TNNI3K: variants seen among roughly 807,000 people sequenced by gnomAD.
TNNI3K encodes serine/threonine-protein kinase TNNI3K.
In TNNI3K, 140 loss-of-function variants were observed where a neutral mutation model predicts 114.5. That is an observed-to-expected ratio of 1.22 (90% CI 1.07 to 1.41). The LOEUF (loss-of-function observed/expected upper bound fraction) is 1.41, where lower values mean the gene tolerates loss of function less well. TNNI3K is among the 40% of genes most tolerant of loss of function. The pLI is 0.00. For synonymous variants in TNNI3K, 347 were observed against 347.5 expected (o/e 1.00, Z 0.02); for missense variants, 1,125 against 1,007.6 (o/e 1.12, Z -1.58).
chr1:74,439,496 C>T lies in TNNI3K; in HGVS notation c.1885C>T (p.Arg629Cys), dbSNP rs775064070. The change falls in exon 20 of 25, where the codon CGT becomes TGT. Residue 629 changes from arginine to cysteine, a missense_variant. Physicochemically the swap from Arg to Cys is radical, Grantham distance 180 (BLOSUM62 -3). Coordinates refer to ENST00000326637, the MANE Select transcript of TNNI3K (RefSeq NM_015978.3). ...DNMTKQPGNL[R>C]WMAPEVFTQC... is the part of the protein sequence containing the mutation. Reference sequence around the variant, plus strand: ...GATGTTTCTTGATGTGCAGAACCTCCGTTGGATGGCTCCTGAGGTGTTCAC... The same window carrying T: ...GATGTTTCTTGATGTGCAGAACCTCTGTTGGATGGCTCCTGAGGTGTTCAC... The T allele has an allele frequency of 1.4e-5, 23 of 1,612,024 alleles. No homozygotes were observed. Among genetic ancestry groups the T allele is most frequent in the Non-Finnish European group, 1.8e-5 (21 of 1,178,988 alleles).
At chr1:74,481,573 G>A (rs1223677385) in intron 21 of TNNI3K, among the ~76,000 whole-genome samples, 1 of 152,134 alleles carries the variant, frequency 6.6e-6, no homozygotes, top group Admixed American at 6.6e-5. Context: ...CTGTCAGTGG[G>A]GTTCTCATTA....
chr1:74,339,392 A>G (rs1349668341), intron 7 of TNNI3K, among the ~76,000 whole-genome samples: 1 of 152,144 alleles, frequency 6.6e-6, no homozygotes, highest in East Asian at 1.9e-4. Context: ...AAGATCTGCT[A>G]TGCCAATGGA....
intron 17 of TNNI3K, among the ~76,000 whole-genome samples, chr1:74,420,185 A>G (rs1665328111): frequency 1.3e-5 from 2 of 152,184 alleles, no homozygotes; most frequent in African/African-American, 4.8e-5. Context: ...AGTAAAAGCC[A>G]AAAATTAACT....
chr1:74,455,861 A>G (rs78379220), intron 20 of TNNI3K, among the ~76,000 whole-genome samples: 2,046 of 152,276 alleles, frequency 0.013, 42 homozygotes, highest in East Asian at 0.056. Context: ...CTATGACTCA[A>G]ATGCTAATCT....
At chr1:74,241,389 C>G (rs965666274) in intron 2 of TNNI3K, among the ~76,000 whole-genome samples, 1 of 152,206 alleles carries the variant, frequency 6.6e-6, no homozygotes, top group South Asian at 2.1e-4. Context: ...AGTTTACAGT[C>G]CCACCAATGG....
At chr1:74,498,986 T>A (rs982230974) in intron 23 of TNNI3K, among the ~76,000 whole-genome samples, 4 of 152,208 alleles carry the variant, frequency 2.6e-5, no homozygotes, top group Non-Finnish European at 4.4e-5. Context: ...TTCTGATAAA[T>A]ACACCAATTA....
intron 5 of TNNI3K, among the ~76,000 whole-genome samples, chr1:74,278,129 T>TTA (rs1416155451): frequency 4.7e-4 from 1 of 2,134 alleles, no homozygotes; most frequent in Non-Finnish European, 1.3e-3. Flanking sequence ...AAAATATGGT[T>TTA]TCTCTCTCTC....
In TNNI3K at chr1:74,492,169, C is replaced by A; in HGVS notation, c.2254C>A (p.Arg752=). Residue 752 remains arginine (R), a synonymous_variant, in exon 23 of 25, where the codon CGG becomes AGG. Coordinates refer to ENST00000326637, the MANE Select transcript of TNNI3K (RefSeq NM_015978.3). ...TTCTTCTTCTGATTGCCTGGTGAAC[C>A]GGGGAGGACCTGGCCGGAGTCATGT... ...PSSSSDCLVN[R]GGPGRSHVAA... The A allele has an allele frequency of 6.2e-7, 1 of 1,612,804 alleles. No individual in the cohort carries two copies. Among genetic ancestry groups the A allele is most frequent in the Non-Finnish European group, 8.5e-7 (1 of 1,179,106 alleles).
intron 4 of TNNI3K, among the ~76,000 whole-genome samples, chr1:74,252,340 A>T (rs1168332407): frequency 2.0e-5 from 3 of 152,210 alleles, no homozygotes; most frequent in Admixed American, 2.0e-4. Flanking sequence ...TTTAAATGAA[A>T]ATTTAGATTC....
intron 19 of TNNI3K, among the ~76,000 whole-genome samples, chr1:74,437,059 C>A (rs1228473462): frequency 6.6e-6 from 1 of 151,972 alleles, no homozygotes; most frequent in African/African-American, 2.4e-5. Flanking sequence ...TCTCCCCAAT[C>A]CCTCCCCCTG....
chr1:74,377,497 G>A (rs2100540154), intron 17 of TNNI3K, among the ~76,000 whole-genome samples: 1 of 151,970 alleles, frequency 6.6e-6, no homozygotes, highest in East Asian at 1.9e-4. Flanking sequence ...AGATACAAAA[G>A]TTTCAATACC....
At chr1:74,396,847 A>G (rs1664107361) in intron 17 of TNNI3K, among the ~76,000 whole-genome samples, 1 of 152,368 alleles carries the variant, frequency 6.6e-6, no homozygotes, top group East Asian at 1.9e-4. Flanking sequence ...ATTCAGGATT[A>G]GATCCAGAGG....
At chr1:74,348,024 G>T (rs896717012) in intron 9 of TNNI3K, among the ~76,000 whole-genome samples, 2 of 152,102 alleles carry the variant, frequency 1.3e-5, no homozygotes, top group Admixed American at 1.3e-4. Context: ...TGTCAATTTT[G>T]GCTTTTGTTG....
chr1:74,378,330 T>G (rs1483280650), intron 17 of TNNI3K, among the ~76,000 whole-genome samples: 2 of 151,750 alleles, frequency 1.3e-5, no homozygotes, highest in East Asian at 3.9e-4. Context: ...TTAGGGTAGT[T>G]TATCTGCTGT....
At chr1:74,472,522 C>A (rs1425389344) in intron 21 of TNNI3K, among the ~76,000 whole-genome samples, 1 of 152,046 alleles carries the variant, frequency 6.6e-6, no homozygotes, top group Non-Finnish European at 1.5e-5. Flanking sequence ...GTATGTAAAT[C>A]CTTTGTAAAT....
chr1:74,368,970 C>T, intron 13 of TNNI3K, 52 bp from the exon 14 acceptor site: 1 of 1,364,664 alleles, frequency 7.3e-7, no homozygotes, highest in Non-Finnish European at 1.0e-6. Context: ...GTATACACAT[C>T]CATGTGTGTG....
chr1:74,252,029 G>C (rs1050282112), intron 4 of TNNI3K, among the ~76,000 whole-genome samples: 4 of 152,214 alleles, frequency 2.6e-5, no homozygotes, highest in Non-Finnish European at 5.9e-5. Context: ...GGTGAAAGTA[G>C]AAGAGCTCCA....
chr1:74,496,224 G>A (rs1194662124), intron 23 of TNNI3K, among the ~76,000 whole-genome samples: 1 of 152,104 alleles, frequency 6.6e-6, no homozygotes, highest in Non-Finnish European at 1.5e-5. Context: ...GTAAGAAGGG[G>A]ATGCAGCTAA....
intron 5 of TNNI3K, among the ~76,000 whole-genome samples, chr1:74,277,060 C>T (rs1018570769): frequency 2.6e-5 from 4 of 152,114 alleles, no homozygotes; most frequent in Admixed American, 6.6e-5. Context: ...TGCATTAAAT[C>T]CTCTTTTTCC....
Sources: allele counts gnomAD v4.1 joint callset (sites outside exome capture counted in the v4.1 genomes callset), GRCh38; gene constraint gnomAD v4.1.1; transcripts MANE v1.5; gene names NCBI Gene and HGNC (gene_info 2026-07-23, HGNC 2026-07-21).